Variants in NR3C1 observed in about 807,000 individuals in gnomAD.
The protein encoded by NR3C1 is nuclear receptor subfamily 3 group C member 1, also known as glucocorticoid receptor.
In NR3C1, 14 loss-of-function variants were observed where a neutral mutation model predicts 74.0. The ratio of observed to expected loss-of-function variants is 0.19; its 90% CI spans 0.12 to 0.30. The LOEUF (loss-of-function observed/expected upper bound fraction) is 0.30. Ranked by LOEUF, NR3C1 falls within the 10% of genes least tolerant of loss-of-function variation. The pLI, the probability that NR3C1 is intolerant of heterozygous loss-of-function variation, is 1.00. For missense variants in NR3C1, 695 were observed against 909.8 expected, an observed-to-expected ratio of 0.76 and a Z score of 3.04; for synonymous variants, 308 against 332.5, an observed-to-expected ratio of 0.93 and a Z score of 0.80.
At chr5:143,409,210 T>A (rs1438536307) in intron 1 of NR3C1, 1 of 152,172 alleles carries the variant, frequency 6.6e-6, no homozygotes, top group African/African-American at 2.4e-5. Context: ...TCAGTTGAGA[T>A]CGATATTGAG....
chr5:143,310,422 A>G (rs1452353088), intron 3 of NR3C1, among the ~76,000 whole-genome samples: 1 of 152,174 alleles, frequency 6.6e-6, no homozygotes, highest in African/African-American at 2.4e-5. Context: ...CAAACTGAAA[A>G]CAGTGCAATA....
intron 2 of NR3C1, among the ~76,000 whole-genome samples, chr5:143,391,707 AT>A (rs1237089876): frequency 1.3e-5 from 2 of 152,194 alleles, no homozygotes; most frequent in Non-Finnish European, 2.9e-5. Flanking sequence ...GAAAAAAAAA[AT>A]CATTGTGAAG....
chr5:143,302,434 A>C (rs1316595769), intron 4 of NR3C1, among the ~76,000 whole-genome samples: 1 of 152,106 alleles, frequency 6.6e-6, no homozygotes, highest in Non-Finnish European at 1.5e-5. Flanking sequence ...CAAAATCATA[A>C]AATGTACTTT....
chr5:143,319,342 A>C (rs138429975), intron 2 of NR3C1, among the ~76,000 whole-genome samples: 9 of 152,324 alleles, frequency 5.9e-5, no homozygotes, highest in African/African-American at 2.2e-4. Context: ...TGATTGGCTT[A>C]GTCTTCAATT....
At chr5:143,319,126 A>G (rs144737083) in intron 2 of NR3C1, among the ~76,000 whole-genome samples, 16 of 152,302 alleles carry the variant, frequency 1.1e-4, no homozygotes, top group African/African-American at 3.8e-4. Flanking sequence ...AGTAAGGTAA[A>G]GATTCTAAAC....
chr5:143,335,235 G>A (rs1388210456), intron 2 of NR3C1, among the ~76,000 whole-genome samples: 1 of 152,182 alleles, frequency 6.6e-6, no homozygotes, highest in Non-Finnish European at 1.5e-5. Context: ...ATTCATGTGG[G>A]AAAGGAAAAC....
Position 143,278,449 on chromosome 5 carries a change from C to T in NR3C1, c.*3440G>A, listed in dbSNP as rs1812650944. The stretch of plus-strand genomic sequence containing the variant: ...TTTTCTAGAGAGAAGCAAATCCTTT[C>T]CTGAAAACCTGGTCACTAATCCTGG... On this transcript the variant is annotated 3_prime_UTR_variant, in exon 9 of 9. Transcript: ENST00000394464. 1 of 152,098 alleles carries T rather than the reference C, an allele frequency of 6.6e-6. No individual in the cohort carries two copies. The allele number at this position is 152,098 out of a possible 1,614,324, so 9.4% of individuals were successfully genotyped here.
chr5:143,346,329 T>G (rs944903474), intron 2 of NR3C1, among the ~76,000 whole-genome samples: 2 of 152,254 alleles, frequency 1.3e-5, no homozygotes, highest in African/African-American at 4.8e-5. Context: ...TCTCCTAATC[T>G]GTTCTAGCCT....
Position 143,403,523 on chromosome 5 carries a change from C to T in NR3C1, c.-326G>A, listed in dbSNP as rs1475559314. The T allele has an allele frequency of 3.0e-6, 3 of 985,432 alleles. No homozygotes were observed. Among genetic ancestry groups the T allele is most frequent in the Non-Finnish European group, 3.6e-6 (3 of 830,096 alleles). 61.0% of individuals were successfully genotyped at this position (985,432 alleles called of 1,614,324 possible). A position where few individuals can be genotyped will look rare whatever the true frequency, so the allele number is the denominator to read the frequency against. On this transcript the variant is annotated 5_prime_UTR_variant, in exon 1 of 9. In the 5' UTR this introduces an upstream ATG that the reference lacks. Coordinates refer to ENST00000394464, the MANE Select transcript of NR3C1 (RefSeq NM_000176.3). ...CGGCTGCGGCGTCTCCTTCCACCCACAGAATCCGTCCCCGACGGGCAGGCG... is the reference window on the plus strand; with the variant it reads ...CGGCTGCGGCGTCTCCTTCCACCCATAGAATCCGTCCCCGACGGGCAGGCG...
chr5:143,352,648 C>T (rs536293250), intron 2 of NR3C1, among the ~76,000 whole-genome samples: 1 of 152,284 alleles, frequency 6.6e-6, no homozygotes, highest in African/African-American at 2.4e-5. Context: ...TTTCCCACTA[C>T]ATATAAAAGT....
chr5:143,319,815 G>A (rs1305292955), intron 2 of NR3C1, among the ~76,000 whole-genome samples: 5 of 149,848 alleles, frequency 3.3e-5, no homozygotes, highest in Admixed American at 1.3e-4. Context: ...AAAAAAAAAA[G>A]GGACCAGAAA....
Position 143,281,680 on chromosome 5 carries a change from C to CCCATCACTGAAAAGTGAT in NR3C1, c.*191_*208dup. On this transcript the variant is annotated 3_prime_UTR_variant, in exon 9 of 9. Coordinates refer to ENST00000394464, the MANE Select transcript of NR3C1 (RefSeq NM_000176.3). Reference sequence around the variant, plus strand: ...ACTAATAAATTTCACCATCTACTCTCCCATCACTGAAAAGTGATGACGACT... The same window carrying CCCATCACTGAAAAGTGAT: ...ACTAATAAATTTCACCATCTACTCTCCCATCACTGAAAAGTGATCCATCACTGAAAAGTGATGACGACT... 2 of 549,080 alleles carry CCCATCACTGAAAAGTGAT rather than the reference C, an allele frequency of 3.6e-6. No homozygotes were observed. Among genetic ancestry groups the CCCATCACTGAAAAGTGAT allele is most frequent in the Admixed American group, 6.3e-5 (2 of 31,672 alleles). 34.0% of individuals were successfully genotyped at this position (549,080 alleles called of 1,614,324 possible). A position where few individuals can be genotyped will look rare whatever the true frequency, so the allele number is the denominator to read the frequency against.
chr5:143,324,593 G>A (rs1164684498), intron 2 of NR3C1, among the ~76,000 whole-genome samples: 1 of 152,196 alleles, frequency 6.6e-6, no homozygotes, highest in Non-Finnish European at 1.5e-5. Context: ...TTTCCCCATG[G>A]TCTTGGGGAT....
At chr5:143,398,829 A>G (rs1839727340) in intron 2 of NR3C1, among the ~76,000 whole-genome samples, 1 of 152,166 alleles carries the variant, frequency 6.6e-6, no homozygotes. Context: ...TTTGGGTCAG[A>G]CAAAAATATC....
At chr5:143,302,006 A>G (rs1480204760) in intron 4 of NR3C1, among the ~76,000 whole-genome samples, 1 of 152,154 alleles carries the variant, frequency 6.6e-6, no homozygotes, top group African/African-American at 2.4e-5. Context: ...CATGCTAATT[A>G]GTTTACCATG....
intron 2 of NR3C1, among the ~76,000 whole-genome samples, chr5:143,315,071 CA>C (rs1307138638): frequency 2.0e-5 from 3 of 151,682 alleles, no homozygotes; most frequent in Non-Finnish European, 2.9e-5. Context: ...TTTTCAATCT[CA>C]AAAAAAATTG....
intron 2 of NR3C1, among the ~76,000 whole-genome samples, chr5:143,351,393 A>G (rs1178550261): frequency 6.6e-6 from 1 of 150,786 alleles, no homozygotes; most frequent in Non-Finnish European, 1.5e-5. Context: ...CTATCTTTAT[A>G]AAAAAATGCT....
At chr5:143,297,626 T>TACAA (rs1561499101) in intron 6 of NR3C1, among the ~76,000 whole-genome samples, 1 of 152,234 alleles carries the variant, frequency 6.6e-6, no homozygotes, top group East Asian at 1.9e-4. Flanking sequence ...CTGTTTTCTA[T>TACAA]ACAAACAGAA....
chr5:143,349,809 A>G (rs942669470), intron 2 of NR3C1, among the ~76,000 whole-genome samples: 2 of 152,184 alleles, frequency 1.3e-5, no homozygotes, highest in African/African-American at 4.8e-5. Context: ...GGAGCTGTAG[A>G]GACGAGTACA....
Sources: gnomAD v4.1 joint callset for allele counts (sites outside exome capture counted in the v4.1 genomes callset) on GRCh38, gnomAD v4.1.1 for gene constraint, MANE v1.5 for transcripts, NCBI Gene and HGNC (gene_info 2026-07-23, HGNC 2026-07-21) for gene names.